The following MYCBP2 variants were observed in gnomAD, a reference collection of about 807,000 sequenced individuals.
MYCBP2 encodes E3 ubiquitin-protein ligase MYCBP2.
Under a neutral mutation model 525.3 loss-of-function variants are expected in MYCBP2, and 120 were observed. The observed-to-expected ratio is 0.23, with a 90% CI of 0.20 to 0.27. The LOEUF is 0.27. Ranked by LOEUF, MYCBP2 falls within the 10% of genes least tolerant of loss-of-function variation. The probability of loss-of-function intolerance (pLI) is 1.00; values close to 1 mark genes in which losing one functional copy is unlikely to be tolerated. For missense variants in MYCBP2, 4,149 were observed against 5,657.1 expected (o/e 0.73, Z 8.55); for synonymous variants, 1,894 against 1,955.8 (o/e 0.97, Z 0.83).
chr13:77,083,088 G>A lies in MYCBP2; in HGVS notation c.10980C>T (p.Ile3660=). Residue 3660 remains isoleucine (I), a synonymous_variant, in exon 63 of 83, where the codon ATC becomes ATT. Coordinates refer to ENST00000544440, the MANE Select transcript of MYCBP2 (RefSeq NM_015057.5). Reference sequence around the variant, plus strand: ...TGGGGAGAGACATCATAAGGTCTGAGATGGTCTGCAGCAAGCGGTGAAAGG... The same window carrying A: ...TGGGGAGAGACATCATAAGGTCTGAAATGGTCTGCAGCAAGCGGTGAAAGG... The part of the protein sequence containing the change: ...PHTFHRLLQT[I]SDLMMSLPSG... 1 of 1,613,620 alleles carries A rather than the reference G, an allele frequency of 6.2e-7. No homozygotes were observed. The highest frequency in any genetic ancestry group is 8.5e-7 in the Non-Finnish European group (1 of 1,179,692).
At chr13:77,170,161 T>C (rs1254604461) in intron 38 of MYCBP2, among the ~76,000 whole-genome samples, 3 of 152,220 alleles carry the variant, frequency 2.0e-5, no homozygotes, top group African/African-American at 7.2e-5. Flanking sequence ...CATTTGGATG[T>C]TGGGAAGATT....
chr13:77,294,994 T>C (rs1481954430), intron 2 of MYCBP2, among the ~76,000 whole-genome samples: 1 of 152,208 alleles, frequency 6.6e-6, no homozygotes, highest in Non-Finnish European at 1.5e-5. Context: ...GACTTTCTGC[T>C]ATGACTAGTA....
intron 82 of MYCBP2, among the ~76,000 whole-genome samples, chr13:77,048,571 G>T (rs1436702225): frequency 3.3e-5 from 5 of 152,156 alleles, no homozygotes; most frequent in Non-Finnish European, 7.3e-5. Context: ...AGAGGGATGT[G>T]TGAGGCTGGG....
At chr13:77,092,343 C>G (rs1378474101) in intron 59 of MYCBP2, 4 of 152,100 alleles carry the variant, frequency 2.6e-5, no homozygotes, top group Non-Finnish European at 5.9e-5. Context: ...ATTTTTCCTA[C>G]AAAATATATC....
At position 77,251,332 on chromosome 13, in the gene MYCBP2, T is replaced by C. The variant is rs1338304225; in HGVS notation, c.2200A>G (p.Thr734Ala). 6.2e-7 allele frequency: 1 copy of C among 1,614,208 alleles called. No homozygotes were observed. The highest frequency in any genetic ancestry group is 1.1e-5 in the South Asian group (1 of 91,088). ...TCTTCCAGGTCTTCATCCATTGCTGTTGCCATATTTTCAACTCCAAACCCT... is the reference window on the plus strand; with the variant it reads ...TCTTCCAGGTCTTCATCCATTGCTGCTGCCATATTTTCAACTCCAAACCCT... The part of the protein sequence containing the change: ...GKGFGVENMA[T>A]AMDEDLEEEL... The change falls in exon 15 of 83, where the codon ACA becomes GCA. Residue 734 changes from threonine (T) to alanine (A), a missense_variant. Coordinates refer to ENST00000544440, the MANE Select transcript of MYCBP2 (RefSeq NM_015057.5).
rs1372012970 is a variant in MYCBP2 at position 77,157,993 on chromosome 13, A to G, written c.6714T>C (p.Ser2238=). ...CACAGGCAATAAAATCATCCAGAAA[A>G]GACTGTTCATTGCTTTGGATTTGGA... ...LPLQIQSNEQ[S]FLDDFIACVP... is the part of the protein sequence containing the mutation. Residue 2238 remains serine, a synonymous_variant, in exon 45 of 83, where the codon TCT becomes TCC. Coordinates refer to ENST00000544440, the MANE Select transcript of MYCBP2 (RefSeq NM_015057.5). 2 of 1,613,662 alleles carry G rather than the reference A, an allele frequency of 1.2e-6. No individual in the cohort carries two copies. The highest frequency in any genetic ancestry group is 2.7e-5 in the African/African-American group (2 of 74,904).
At chr13:77,048,541 T>G (rs1380250051) in intron 82 of MYCBP2, among the ~76,000 whole-genome samples, 2 of 152,200 alleles carry the variant, frequency 1.3e-5, no homozygotes, top group Admixed American at 6.5e-5. Flanking sequence ...ATTCCAGTTC[T>G]CTAAATGAAT....
chr13:77,087,563 G>A lies in MYCBP2; in HGVS notation c.10796C>T (p.Ala3599Val), dbSNP rs1256299335. 2.5e-6 allele frequency: 4 copies of A among 1,612,878 alleles called. No homozygotes were observed. Among genetic ancestry groups the A allele is most frequent in the Non-Finnish European group, 3.4e-6 (4 of 1,179,408 alleles). ...TTCCACTGGTGCAGGAGTCAGTGAT[G>A]CCACAAAATGCCACAGAATATCATG... is the stretch of plus-strand genomic sequence containing the variant. ...SLHDILWHFV[A>V]SLTPAPVEPE... Residue 3599 changes from alanine to valine, a missense_variant, in exon 62 of 83, where the codon GCA becomes GTA. Ala to Val is a moderately conservative substitution (Grantham distance 64, BLOSUM62 0). Around this residue, in one of 21 missense-constraint regions of MYCBP2, gnomAD observed 509 missense variants for 789.4 expected, o/e 0.64. Coordinates refer to ENST00000544440, the MANE Select transcript of MYCBP2 (RefSeq NM_015057.5).
intron 1 of MYCBP2, among the ~76,000 whole-genome samples, chr13:77,297,765 C>T (rs1367958278): frequency 6.6e-6 from 1 of 152,152 alleles, no homozygotes; most frequent in Non-Finnish European, 1.5e-5. Context: ...CTTGACATTG[C>T]CTTCAGTTTC....
chr13:77,263,227 T>C (rs1174458431), intron 10 of MYCBP2, among the ~76,000 whole-genome samples: 2 of 152,028 alleles, frequency 1.3e-5, no homozygotes, highest in African/African-American at 4.8e-5. Flanking sequence ...TGAAAATCTA[T>C]TCAAGTAAAA....
intron 43 of MYCBP2, among the ~76,000 whole-genome samples, chr13:77,162,693 G>A (rs1799832334): frequency 6.6e-6 from 1 of 152,036 alleles, no homozygotes; most frequent in South Asian, 2.1e-4. Flanking sequence ...GTCTCACTCT[G>A]TTGCCCAGGC....
chr13:77,321,232 C>G (rs2081571495), intron 1 of MYCBP2, among the ~76,000 whole-genome samples: 1 of 152,134 alleles, frequency 6.6e-6, no homozygotes, highest in African/African-American at 2.4e-5. Flanking sequence ...TTTTTATTTT[C>G]CTTTTAAGCC....
chr13:77,232,215 C>CA (rs895707115), intron 18 of MYCBP2, among the ~76,000 whole-genome samples: 61 of 150,992 alleles, frequency 4.0e-4, no homozygotes, highest in African/African-American at 1.3e-3. Flanking sequence ...AATTTTGCAG[C>CA]AAAAAAAAGA....
chr13:77,199,967 C>T (rs1294127628), intron 26 of MYCBP2, among the ~76,000 whole-genome samples: 2 of 152,178 alleles, frequency 1.3e-5, no homozygotes, highest in Admixed American at 1.3e-4. Context: ...AAACTGGAAA[C>T]TCTAAAAAGC....
intron 14 of MYCBP2, among the ~76,000 whole-genome samples, chr13:77,252,133 C>T (rs1369625536): frequency 3.3e-5 from 5 of 152,172 alleles, no homozygotes; most frequent in Non-Finnish European, 7.4e-5. Flanking sequence ...TGTTACAATA[C>T]AATTCATTCA....
At position 77,251,704 on chromosome 13, in the gene MYCBP2, T is replaced by A. The variant is rs1174003416; in HGVS notation, c.2177-349A>T. On this transcript the variant is annotated intron_variant, in intron 14 of 82. Coordinates refer to ENST00000544440, the MANE Select transcript of MYCBP2 (RefSeq NM_015057.5). ...TCCCAACCATGCTCCAAGCCAAGAG[T>A]TCCCCACTCTAGATCATCCTCCTAC... 5.3e-5 allele frequency among the ~76,000 whole-genome samples: 8 copies of A among 151,846 alleles called. No individual in the cohort carries two copies. The South Asian group carries it at 1.7e-3, about 32-fold the overall frequency.
chr13:77,174,540 T>C, intron 36 of MYCBP2, 51 bp from the exon 37 acceptor site: 3 of 1,427,348 alleles, frequency 2.1e-6, no homozygotes, highest in Non-Finnish European at 1.9e-6. Flanking sequence ...ACAGAGGATA[T>C]ATAAAAAGAA....
chr13:77,168,635 T>G lies in MYCBP2; in HGVS notation c.5907A>C (p.Glu1969Asp). ...VAAAIPKVAV[E>D]VFGLVQQLLP... is the part of the protein sequence containing the mutation. ...GCAATTGTTGGACAAGGCCAAAGAC[T>G]TCTACAGCCACCTAGTACACATATA... The change falls in exon 40 of 83, where the codon GAA (glutamate) becomes GAC (aspartate). Residue 1969 changes from glutamate (E) to aspartate (D), a missense_variant. By Grantham distance (45) the Glu-to-Asp change is conservative. Transcript: ENST00000544440. The G allele has an allele frequency of 6.2e-7, 1 of 1,614,154 alleles. No homozygotes were observed. Among genetic ancestry groups the G allele is most frequent in the Non-Finnish European group, 8.5e-7 (1 of 1,180,012 alleles).
Position 77,149,768 on chromosome 13 carries a change from TC to T in MYCBP2, c.7131+965del. Among the ~76,000 whole-genome samples the T allele has an allele frequency of 1.3e-5, 2 of 152,314 alleles. 1 individual carries two copies. Among genetic ancestry groups the T allele is most frequent in the Admixed American group, 1.3e-4 (2 of 15,290 alleles). On this transcript the variant is annotated intron_variant, in intron 47 of 82. Coordinates refer to ENST00000544440, the MANE Select transcript of MYCBP2 (RefSeq NM_015057.5). Reference sequence around the variant, plus strand: ...AATTTCATCTTTTATTTCCTACCTTTCTTCTTTACTCCACCTCCACTAGCTA... The same window carrying T: ...AATTTCATCTTTTATTTCCTACCTTTTTCTTTACTCCACCTCCACTAGCTA...
Sources: allele counts gnomAD v4.1 joint callset (sites outside exome capture counted in the v4.1 genomes callset), GRCh38; gene constraint gnomAD v4.1.1; regional missense constraint gnomAD v4.1.1; transcripts MANE v1.5; gene names NCBI Gene and HGNC (gene_info 2026-07-23, HGNC 2026-07-21).